Variants in GPHN observed in about 807,000 individuals in gnomAD.
GPHN encodes gephyrin.
A neutral mutation model predicts 95.5 loss-of-function variants in GPHN; 17 were observed. That is an observed-to-expected ratio of 0.18 (90% confidence interval 0.12 to 0.27). The LOEUF (loss-of-function observed/expected upper bound fraction) is 0.27. Ranked by LOEUF, GPHN falls within the 10% of genes least tolerant of loss-of-function variation. The probability of loss-of-function intolerance (pLI) is 1.00; values close to 1 mark genes in which losing one functional copy is unlikely to be tolerated. For synonymous variants in GPHN, 320 were observed against 322.5 expected (o/e 0.99, Z 0.08); for missense variants, 660 against 978.1 (o/e 0.67, Z 4.34).
chr14:67,169,276 G>C (rs770714329), intron 21 of GPHN: 6 of 560,998 alleles, frequency 1.1e-5, no homozygotes, highest in Middle Eastern at 4.8e-4. Context: ...AGTCCAGAGA[G>C]CACGGCTTAA....
the GPHN span, among the ~76,000 whole-genome samples, chr14:67,408,088 A>G: frequency 1.3e-5 from 2 of 152,068 alleles, no homozygotes; most frequent in Non-Finnish European, 2.9e-5. Context: ...GGAGTTCAAG[A>G]CCAGCCTGAC....
At chr14:67,393,390 T>C in the GPHN span, 7 of 684,680 alleles carry the variant, frequency 1.0e-5, no homozygotes, top group Admixed American at 1.6e-4. Flanking sequence ...AGCAGCCTTT[T>C]GAATGGCAAG....
At chr14:67,582,373 C>A in the GPHN span, 2 of 1,218,150 alleles carry the variant, frequency 1.6e-6, no homozygotes, top group South Asian at 1.4e-5. The surrounding 1 kb of genome is among the most constrained non-coding windows in gnomAD (Gnocchi z 5.0). Context: ...CAGATCAGAG[C>A]TCCTCACTCA....
At chr14:66,926,607 A>G (rs896828645) in intron 8 of GPHN, among the ~76,000 whole-genome samples, 2 of 152,110 alleles carry the variant, frequency 1.3e-5, no homozygotes, top group Non-Finnish European at 2.9e-5. Flanking sequence ...CCATTGGTCT[A>G]TGTATCTGTT....
the GPHN span, among the ~76,000 whole-genome samples, chr14:67,442,646 A>G: frequency 5.9e-5 from 9 of 152,196 alleles, no homozygotes; most frequent in South Asian, 2.1e-4. Context: ...CAGTGAGCAT[A>G]CATGACGTGT....
At chr14:67,436,884 C>T in the GPHN span, among the ~76,000 whole-genome samples, 1 of 152,084 alleles carries the variant, frequency 6.6e-6, no homozygotes, top group East Asian at 1.9e-4. Flanking sequence ...AGTGAGACCC[C>T]ATCTCTACAA....
At chr14:67,264,960 G>C in the GPHN span, among the ~76,000 whole-genome samples, 2 of 152,084 alleles carry the variant, frequency 1.3e-5, no homozygotes, top group Non-Finnish European at 2.9e-5. Flanking sequence ...CATGAGGGCA[G>C]ATGATTTATG....
At chr14:67,149,564 G>C (rs1455120727) in intron 18 of GPHN, among the ~76,000 whole-genome samples, 1 of 151,878 alleles carries the variant, frequency 6.6e-6, no homozygotes, top group Non-Finnish European at 1.5e-5. Context: ...TGAGAATCGG[G>C]CCTTAAGAAA....
chr14:67,628,559 A>G, the GPHN span, among the ~76,000 whole-genome samples: 1 of 152,204 alleles, frequency 6.6e-6, no homozygotes, highest in South Asian at 2.1e-4. Flanking sequence ...TTTTAACTTA[A>G]TACCTCTTAT....
At chr14:67,561,954 C>T in the GPHN span, 1 of 1,611,584 alleles carries the variant, frequency 6.2e-7, no homozygotes, top group Non-Finnish European at 8.5e-7. Flanking sequence ...TTTTGCTCAG[C>T]TTGAGATGGA....
intron 4 of GPHN, among the ~76,000 whole-genome samples, chr14:66,875,109 T>G (rs1243033724): frequency 1.3e-5 from 2 of 152,084 alleles, no homozygotes; most frequent in African/African-American, 4.8e-5. Flanking sequence ...TATTCAACAT[T>G]CTTAAAGAAA....
intron 20 of GPHN, among the ~76,000 whole-genome samples, chr14:67,166,743 C>T (rs1165373986): frequency 1.3e-5 from 2 of 152,208 alleles, no homozygotes; most frequent in African/African-American, 4.8e-5. Context: ...GATCTCAGCT[C>T]ACTGCAACCT....
At chr14:67,569,105 G>A in the GPHN span, 135 of 1,484,378 alleles carry the variant, frequency 9.1e-5, no homozygotes, top group Non-Finnish European at 1.1e-4. Flanking sequence ...GCATCATGCC[G>A]GGCCCTGAGC....
the GPHN span, among the ~76,000 whole-genome samples, chr14:67,469,649 G>A: frequency 0.039 from 5,743 of 146,988 alleles, 127 homozygotes; most frequent in African/African-American, 0.063. Flanking sequence ...CAGCGGCCTG[G>A]TGGTGGTGGT....
At chr14:67,114,386 A>G (rs1257572590) in intron 16 of GPHN, among the ~76,000 whole-genome samples, 1 of 152,146 alleles carries the variant, frequency 6.6e-6, no homozygotes, top group Non-Finnish European at 1.5e-5. Flanking sequence ...AGTTTGAGAA[A>G]GCTAAACAGT....
the GPHN span, chr14:67,690,212 CT>C: frequency 6.2e-7 from 1 of 1,612,466 alleles, no homozygotes; most frequent in Non-Finnish European, 8.5e-7. Flanking sequence ...CTAGGCCCAC[CT>C]TTTAGTCTCC....
rs1279928027 is a variant in GPHN, at chr14:66,562,463, C to A, written c.64+53872C>A. Among the ~76,000 whole-genome samples the A allele has an allele frequency of 1.3e-5, 2 of 151,970 alleles. 1 individual carries two copies. Among genetic ancestry groups the A allele is most frequent in the East Asian group, 3.9e-4 (2 of 5,174 alleles). ...TCCAATTTTTATTTGTCAATTGTAC[C>A]TTAACAAAATTTGGGGTGGGGGAAA... On this transcript the variant is annotated intron_variant, in intron 1 of 22. Transcript: ENST00000478722.
the GPHN span, among the ~76,000 whole-genome samples, chr14:67,476,982 T>C: frequency 6.6e-6 from 1 of 151,786 alleles, no homozygotes; most frequent in East Asian, 1.9e-4. Context: ...AAAAAAACAA[T>C]GGATGGGTAG....
chr14:66,785,250 C>T (rs1474213139), intron 3 of GPHN, among the ~76,000 whole-genome samples: 2 of 152,138 alleles, frequency 1.3e-5, no homozygotes, highest in African/African-American at 4.8e-5. Flanking sequence ...CCTGTAGTCC[C>T]CACGACTCAG....
Sources: gnomAD v4.1 joint callset for allele counts (sites outside exome capture counted in the v4.1 genomes callset) on GRCh38, gnomAD v4.1.1 for gene constraint, Gnocchi (gnomAD v3.1) non-coding constraint, MANE v1.5 for transcripts, NCBI Gene and HGNC (gene_info 2026-07-23, HGNC 2026-07-21) for gene names.